Variants in DNAJC3 observed in about 807,000 individuals in gnomAD.
DNAJC3 encodes DnaJ heat shock protein family (Hsp40) member C3.
DNAJC3 carries 38 observed loss-of-function variants against 68.6 expected under a neutral mutation model. The ratio of observed to expected loss-of-function variants is 0.55; its 90% CI spans 0.43 to 0.73. DNAJC3 has a LOEUF of 0.73. Among genes scored for constraint, DNAJC3 ranks in the 30% least tolerant of loss-of-function variants. DNAJC3 has a pLI of 0.00. For missense variants in DNAJC3, 526 were observed against 591.9 expected, an observed-to-expected ratio of 0.89 and a Z score of 1.16; for synonymous variants, 203 against 204.0, an observed-to-expected ratio of 1.00 and a Z score of 0.04.
At chr13:95,730,239 C>T (rs993222054) in intron 4 of DNAJC3, among the ~76,000 whole-genome samples, 1 of 152,098 alleles carries the variant, frequency 6.6e-6, no homozygotes, top group African/African-American at 2.4e-5. Flanking sequence ...AGTGATTCTC[C>T]CACTTTGGCC....
chr13:95,723,454 A>G, intron 3 of DNAJC3, 88 bp downstream of exon 3: 1 of 1,436,584 alleles, frequency 7.0e-7, no homozygotes, highest in Non-Finnish European at 9.4e-7. Flanking sequence ...CTGGCATGCT[A>G]GACATAGCTG....
At chr13:95,755,873 T>C (rs1038557128) in intron 4 of DNAJC3, among the ~76,000 whole-genome samples, 3 of 149,522 alleles carry the variant, frequency 2.0e-5, no homozygotes, top group South Asian at 2.2e-4. Context: ...CCCTCGTTTC[T>C]CCAACTCCTT....
chr13:95,721,806 G>A (rs1178476765), intron 2 of DNAJC3, among the ~76,000 whole-genome samples: 2 of 151,980 alleles, frequency 1.3e-5, no homozygotes, highest in Non-Finnish European at 2.9e-5. Context: ...TGGTTGTATA[G>A]CCTAATCTCT....
At chr13:95,734,352 G>T (rs773300754) in intron 4 of DNAJC3, among the ~76,000 whole-genome samples, 8 of 152,170 alleles carry the variant, frequency 5.3e-5, no homozygotes, top group Non-Finnish European at 1.0e-4. Context: ...TCCATTCCCT[G>T]CAGGCCAGTA....
At chr13:95,719,113 A>G (rs1329202293) in intron 2 of DNAJC3, among the ~76,000 whole-genome samples, 4 of 152,222 alleles carry the variant, frequency 2.6e-5, no homozygotes, top group African/African-American at 9.6e-5. Flanking sequence ...TCAGGGAAAC[A>G]CTTACGTTTA....
At chr13:95,722,839 C>T (rs1385426275) in intron 2 of DNAJC3, among the ~76,000 whole-genome samples, 6 of 35,264 alleles carry the variant, frequency 1.7e-4, no homozygotes, top group African/African-American at 2.2e-4. Context: ...CCCCCCCCCC[C>T]GCCGAAAAAG....
rs543732577 is a variant in DNAJC3 at position 95,774,378 on chromosome 13, C to T, written c.1075+10425C>T. 2.0e-5 allele frequency among the ~76,000 whole-genome samples: 3 copies of T among 152,104 alleles called. No homozygotes were observed. The East Asian group carries it at 5.8e-4, about 29-fold the overall frequency. On this transcript the variant is annotated intron_variant, in intron 9 of 11. Coordinates refer to ENST00000602402, the MANE Select transcript of DNAJC3 (RefSeq NM_006260.5). The stretch of plus-strand genomic sequence containing the variant: ...TTATTATTTATTTTGAATTTAATTC[C>T]ATTGTGGTCAGAGAACATACTAGGT...
At chr13:95,721,241 T>C (rs910048016) in intron 2 of DNAJC3, among the ~76,000 whole-genome samples, 3 of 152,204 alleles carry the variant, frequency 2.0e-5, no homozygotes, top group Non-Finnish European at 4.4e-5. Flanking sequence ...AGGAGTTTCA[T>C]TTCTCTGTAA....
intron 9 of DNAJC3, among the ~76,000 whole-genome samples, chr13:95,780,768 A>T (rs1194585220): frequency 6.6e-6 from 1 of 152,174 alleles, no homozygotes; most frequent in African/African-American, 2.4e-5. Context: ...TTGAGAGTAG[A>T]CTTTTAGGGG....
At chr13:95,755,302 T>C (rs1882618097) in intron 4 of DNAJC3, among the ~76,000 whole-genome samples, 2 of 151,940 alleles carry the variant, frequency 1.3e-5, no homozygotes, top group South Asian at 4.2e-4. Flanking sequence ...TAATAAAAAA[T>C]TAGCTGGCTG....
intron 2 of DNAJC3, among the ~76,000 whole-genome samples, chr13:95,715,153 T>G (rs1040689698): frequency 6.6e-6 from 1 of 152,196 alleles, no homozygotes; most frequent in African/African-American, 2.4e-5. Flanking sequence ...TTGAGCACTT[T>G]CGAAGGCTGA....
intron 1 of DNAJC3, among the ~76,000 whole-genome samples, chr13:95,691,615 C>A (rs970680871): frequency 6.6e-6 from 1 of 152,096 alleles, no homozygotes; most frequent in African/African-American, 2.4e-5. Flanking sequence ...AGACGATGGG[C>A]GGCCAGGCGG....
intron 5 of DNAJC3, 145 bp from the exon 6 acceptor site, chr13:95,759,895 T>C: frequency 1.3e-6 from 1 of 770,800 alleles, no homozygotes; most frequent in Non-Finnish European, 1.9e-6. Flanking sequence ...TATCAGATTT[T>C]AAAATAATAT....
chr13:95,760,637 G>A, intron 6 of DNAJC3, 42 bp from the exon 7 acceptor site: 1 of 1,567,000 alleles, frequency 6.4e-7, no homozygotes, highest in East Asian at 2.3e-5. Context: ...CTCATTGATT[G>A]TTTTGACATG....
intron 9 of DNAJC3, among the ~76,000 whole-genome samples, chr13:95,771,633 G>A (rs2139684608): frequency 6.6e-6 from 1 of 152,254 alleles, no homozygotes; most frequent in East Asian, 1.9e-4. Flanking sequence ...GATTCCACAG[G>A]AACAGAGAGG....
rs191695760 is a variant in DNAJC3, at chr13:95,746,475, T to C, written c.394-11169T>C. Among the ~76,000 whole-genome samples the C allele has an allele frequency of 3.9e-5, 6 of 152,348 alleles. No homozygotes were observed. The East Asian group carries it at 9.7e-4, about 25-fold the overall frequency. On this transcript the variant is annotated intron_variant, in intron 4 of 11. Coordinates refer to ENST00000602402, the MANE Select transcript of DNAJC3 (RefSeq NM_006260.5). The stretch of plus-strand genomic sequence containing the variant: ...TTTTCCTCATTGTGAAGTGTAGAAG[T>C]TGAATAGATGACATATTCCTATCTT...
chr13:95,738,073 G>A (rs1225906466), intron 4 of DNAJC3, among the ~76,000 whole-genome samples: 6 of 146,826 alleles, frequency 4.1e-5, no homozygotes, highest in East Asian at 2.0e-4. Context: ...CCTTCATTTC[G>A]TTATGTACCC....
At chr13:95,734,802 C>T (rs972344587) in intron 4 of DNAJC3, among the ~76,000 whole-genome samples, 2 of 147,066 alleles carry the variant, frequency 1.4e-5, no homozygotes, top group African/African-American at 2.5e-5. Context: ...TTGCTGTCGT[C>T]TATTGTTGAA....
At chr13:95,694,498 T>C (rs1393110585) in intron 1 of DNAJC3, 1 of 152,604 alleles carries the variant, frequency 6.6e-6, no homozygotes, top group East Asian at 1.9e-4. Flanking sequence ...TATGTCATTA[T>C]TCCCACATGG....
Sources: gnomAD v4.1 joint callset for allele counts (sites outside exome capture counted in the v4.1 genomes callset) on GRCh38, gnomAD v4.1.1 for gene constraint, MANE v1.5 for transcripts, NCBI Gene and HGNC (gene_info 2026-07-23, HGNC 2026-07-21) for gene names.